The following RSF1 variants were observed in gnomAD, a reference collection of about 807,000 sequenced individuals.
The protein encoded by RSF1 is remodeling and spacing factor 1, also known as HBV pX-associated protein 8.
In RSF1, 13 loss-of-function variants were observed where a neutral mutation model predicts 145.2. The ratio of observed to expected loss-of-function variants is 0.09; its 90% CI spans 0.06 to 0.14. The LOEUF (loss-of-function observed/expected upper bound fraction) is 0.14. Among genes scored for constraint, RSF1 ranks in the 10% least tolerant of loss-of-function variants. The probability of loss-of-function intolerance (pLI) is 1.00; values close to 1 mark genes in which losing one functional copy is unlikely to be tolerated. For missense variants in RSF1, 1,517 were observed against 1,718.2 expected, an observed-to-expected ratio of 0.88 and a Z score of 2.07; for synonymous variants, 577 against 592.6, an observed-to-expected ratio of 0.97 and a Z score of 0.38.
chr11:77,831,911 T>C, the RSF1 span: 3 of 147,088 alleles, frequency 2.0e-5, no homozygotes, highest in Non-Finnish European at 4.4e-5. Flanking sequence ...GGTTTCACCA[T>C]GTTGGCCAGT....
At chr11:77,790,347 AG>A (rs1285654103) in intron 1 of RSF1, among the ~76,000 whole-genome samples, 2 of 152,250 alleles carry the variant, frequency 1.3e-5, no homozygotes, top group African/African-American at 4.8e-5. Context: ...GGACAGCATG[AG>A]AAAGACCTGC....
chr11:77,677,972 T>C (rs548365718), intron 12 of RSF1, 114 bp downstream of exon 12: 8 of 738,360 alleles, frequency 1.1e-5, no homozygotes, highest in South Asian at 8.0e-5. Context: ...TCAGTACTAA[T>C]CATGATACAT....
intron 1 of RSF1, among the ~76,000 whole-genome samples, chr11:77,782,689 A>G (rs1476713437): frequency 6.6e-6 from 1 of 152,204 alleles, no homozygotes; most frequent in East Asian, 1.9e-4. Flanking sequence ...AAAACATAAT[A>G]TTTTGACACA....
intron 1 of RSF1, among the ~76,000 whole-genome samples, chr11:77,772,848 G>GAAAA (rs1161762028): frequency 3.5e-5 from 3 of 85,184 alleles, no homozygotes; most frequent in African/African-American, 4.9e-5. Context: ...GCCCAAGATG[G>GAAAA]AAAAAAAAAA....
intron 8 of RSF1, chr11:77,691,756 A>AC (rs1424761170): frequency 6.5e-6 from 1 of 152,672 alleles, no homozygotes; most frequent in East Asian, 1.9e-4. Context: ...CCTTAAAAAA[A>AC]AAGACTGTAA....
chr11:77,766,283 A>T (rs1484822639), intron 1 of RSF1, among the ~76,000 whole-genome samples: 1 of 152,214 alleles, frequency 6.6e-6, no homozygotes, highest in East Asian at 1.9e-4. Flanking sequence ...GTAGGATACA[A>T]ACACTCTGAG....
intron 1 of RSF1, among the ~76,000 whole-genome samples, chr11:77,791,527 G>A (rs553278167): frequency 6.6e-6 from 1 of 152,254 alleles, no homozygotes; most frequent in Non-Finnish European, 1.5e-5. Context: ...TCTATTGTCA[G>A]GATGCAAATT....
rs146818398 is a variant in RSF1, at chr11:77,766,244, G to A, written c.188-1555C>T. On this transcript the variant is annotated intron_variant, in intron 1 of 15. Transcript: ENST00000308488. ...CCAAAATAGGTACATAATCTGCAGCGTTCTCTAACATATTTGATCCACTAT... is the reference window on the plus strand; with the variant it reads ...CCAAAATAGGTACATAATCTGCAGCATTCTCTAACATATTTGATCCACTAT... Among the ~76,000 whole-genome samples the A allele has an allele frequency of 6.7e-3, 1,027 of 152,184 alleles. 1 individual carries two copies. Among genetic ancestry groups the A allele is most frequent in the Non-Finnish European group, 0.01 (688 of 68,012 alleles).
At chr11:77,768,140 A>G (rs1032835082) in intron 1 of RSF1, among the ~76,000 whole-genome samples, 47 of 150,674 alleles carry the variant, frequency 3.1e-4, no homozygotes, top group African/African-American at 1.1e-3. Flanking sequence ...TTCATCCAAA[A>G]TTATATCAAC....
intron 1 of RSF1, among the ~76,000 whole-genome samples, chr11:77,783,161 A>G (rs376543860): frequency 6.6e-6 from 1 of 152,328 alleles, no homozygotes; most frequent in African/African-American, 2.4e-5. Context: ...CACATACAAC[A>G]TGAACACTTT....
intron 1 of RSF1, among the ~76,000 whole-genome samples, chr11:77,806,801 G>A (rs1290963324): frequency 6.6e-6 from 1 of 151,138 alleles, no homozygotes; most frequent in Non-Finnish European, 1.5e-5. Flanking sequence ...AGGGAGGAGG[G>A]GGTGAGAATT....
intron 2 of RSF1, among the ~76,000 whole-genome samples, chr11:77,751,822 C>T (rs1294221582): frequency 6.6e-6 from 1 of 152,228 alleles, no homozygotes; most frequent in African/African-American, 2.4e-5. Context: ...CCTTCCTGTA[C>T]TGCGATAGTT....
chr11:77,767,179 TAC>T (rs1948235071), intron 1 of RSF1, among the ~76,000 whole-genome samples: 1 of 152,216 alleles, frequency 6.6e-6, no homozygotes, highest in Non-Finnish European at 1.5e-5. Flanking sequence ...AAATATAAAA[TAC>T]TTTTATTTCT....
Position 77,667,297 on chromosome 11 carries a change from C to T in RSF1, c.3946G>A (p.Gly1316Arg), listed in dbSNP as rs1284079884. The change falls in exon 16 of 16, where the codon GGA becomes AGA. Residue 1316 changes from glycine (G) to arginine (R), a missense_variant. This residue lies in a region of RSF1 where 240 missense variants were observed against 231.8 expected (regional missense o/e 1.04). Transcript: ENST00000308488. ...TCACGGGCAGGCTGATTTGCATCTC[C>T]ATGAGCATTGTCACAACTCTCCTCC... is the stretch of plus-strand genomic sequence containing the variant. Reference protein sequence around the residue: ...DEEESCDNAHGDANQPARDSQ... With the variant: ...DEEESCDNAHRDANQPARDSQ... 1 of 1,614,070 alleles carries T rather than the reference C, an allele frequency of 6.2e-7. No individual in the cohort carries two copies. The highest frequency in any genetic ancestry group is 1.3e-5 in the African/African-American group (1 of 74,926).
At chr11:77,756,167 G>A (rs1203250671) in intron 2 of RSF1, among the ~76,000 whole-genome samples, 1 of 151,882 alleles carries the variant, frequency 6.6e-6, no homozygotes, top group Non-Finnish European at 1.5e-5. Flanking sequence ...AGACCAGCCT[G>A]ACCAACACGG....
the RSF1 span, among the ~76,000 whole-genome samples, chr11:77,834,946 C>A: frequency 6.6e-6 from 1 of 151,986 alleles, no homozygotes; most frequent in Non-Finnish European, 1.5e-5. Flanking sequence ...ATCTCATGAG[C>A]TAAACCAGAG....
At chr11:77,823,387 A>G (rs910158028), upstream of RSF1, among the ~76,000 whole-genome samples, 3 of 152,030 alleles carry the variant, frequency 2.0e-5, no homozygotes, top group African/African-American at 7.2e-5. Flanking sequence ...AGAATTCCCA[A>G]ACGGGCAAGT....
At chr11:77,710,874 G>A (rs1405620969) in intron 5 of RSF1, among the ~76,000 whole-genome samples, 1 of 152,092 alleles carries the variant, frequency 6.6e-6, no homozygotes, top group African/African-American at 2.4e-5. Context: ...TTGACTCTTT[G>A]AGTCATTTTA....
chr11:77,842,775 A>G, the RSF1 span: 1 of 1,087,208 alleles, frequency 9.2e-7, no homozygotes, highest in Non-Finnish European at 1.3e-6. Flanking sequence ...CTTTTAAAGT[A>G]TGCAATTCAA....
Sources: gnomAD v4.1 joint callset for allele counts (sites outside exome capture counted in the v4.1 genomes callset) on GRCh38, gnomAD v4.1.1 for gene constraint, gnomAD v4.1.1 regional missense constraint, MANE v1.5 for transcripts, NCBI Gene and HGNC (gene_info 2026-07-23, HGNC 2026-07-21) for gene names.